Variants in LIMD1 observed in about 807,000 individuals in gnomAD.
The protein encoded by LIMD1 is LIM domain-containing protein 1.
In LIMD1, 23 loss-of-function variants were observed where a neutral mutation model predicts 58.4. The observed-to-expected ratio is 0.39, with a 90% CI of 0.28 to 0.56. The LOEUF is 0.56. LIMD1 is among the 20% of genes least tolerant of loss of function. The probability of loss-of-function intolerance (pLI) is 0.57; values close to 1 mark genes in which losing one functional copy is unlikely to be tolerated. For missense variants in LIMD1, 838 were observed against 855.5 expected, an observed-to-expected ratio of 0.98 and a Z score of 0.25; for synonymous variants, 334 against 345.5, an observed-to-expected ratio of 0.97 and a Z score of 0.37.
At chr3:45,599,450 T>C (rs1168409842) in intron 1 of LIMD1, among the ~76,000 whole-genome samples, 1 of 152,188 alleles carries the variant, frequency 6.6e-6, no homozygotes, top group Admixed American at 6.5e-5. Context: ...TTGTATAAAC[T>C]TCACAGATAA....
intron 6 of LIMD1, chr3:45,673,759 G>C (rs771578779): frequency 1.9e-6 from 1 of 514,984 alleles, no homozygotes; most frequent in East Asian, 3.4e-5. Context: ...ACAAAAAATT[G>C]TTAAAAATTG....
chr3:45,668,323 G>A lies in LIMD1; in HGVS notation c.1608G>A (p.Arg536=), dbSNP rs776606791. ...LYSGFQQSAD[R]CFLCGHLIMD... ...CTGGTTTCCAGCAGTCGGCTGACAG[G>A]TGTTTTCTTTGTGGACATCTGATCA... Residue 536 remains arginine (R), a synonymous_variant, in exon 4 of 8, where the codon AGG becomes AGA. Transcript: ENST00000273317. 2.5e-6 allele frequency: 4 copies of A among 1,613,024 alleles called. No individual in the cohort carries two copies. The Admixed American group carries it at 6.7e-5, about 27-fold the overall frequency.
chr3:45,615,152 A>G (rs148328254), intron 1 of LIMD1, among the ~76,000 whole-genome samples: 19 of 152,352 alleles, frequency 1.2e-4, no homozygotes, highest in African/African-American at 4.3e-4. Context: ...GACCCAAAGC[A>G]GTGGCAAAAC....
intron 1 of LIMD1, chr3:45,635,947 G>A (rs1222962114): frequency 2.7e-5 from 27 of 985,300 alleles, no homozygotes; most frequent in Non-Finnish European, 3.3e-5. Flanking sequence ...GGGACCTAAA[G>A]TCCAGCCTGG....
chr3:45,671,183 G>GA (rs1697582000), intron 4 of LIMD1, among the ~76,000 whole-genome samples: 1 of 152,192 alleles, frequency 6.6e-6, no homozygotes, highest in Non-Finnish European at 1.5e-5. Context: ...AAAGGTTAGG[G>GA]AAACCCAAGA....
chr3:45,640,698 G>A (rs1214967198), intron 2 of LIMD1, among the ~76,000 whole-genome samples: 1 of 152,198 alleles, frequency 6.6e-6, no homozygotes, highest in African/African-American at 2.4e-5. Context: ...CCAAAGTGCT[G>A]AAATTACAAG....
intron 2 of LIMD1, among the ~76,000 whole-genome samples, chr3:45,646,821 G>C (rs994040359): frequency 2.0e-5 from 3 of 151,380 alleles, no homozygotes; most frequent in African/African-American, 7.3e-5. Flanking sequence ...TTAGTCCCCT[G>C]GCTAATTTTT....
intron 2 of LIMD1, among the ~76,000 whole-genome samples, chr3:45,642,323 G>A (rs1701850970): frequency 6.6e-6 from 1 of 152,020 alleles, no homozygotes; most frequent in Non-Finnish European, 1.5e-5. Context: ...TTACAGACAT[G>A]CACCACCATG....
chr3:45,633,594 C>T (rs561275699), intron 1 of LIMD1, among the ~76,000 whole-genome samples: 5 of 152,176 alleles, frequency 3.3e-5, no homozygotes, highest in South Asian at 4.2e-4. Flanking sequence ...ATGTGGGTAC[C>T]CTCTGTATAA....
chr3:45,660,174 TG>T (rs1406356569), intron 2 of LIMD1, among the ~76,000 whole-genome samples: 3 of 152,224 alleles, frequency 2.0e-5, no homozygotes, highest in East Asian at 1.9e-4. Context: ...GCCTAAGCTC[TG>T]GAAGTCCTGC....
intron 1 of LIMD1, among the ~76,000 whole-genome samples, chr3:45,630,190 TG>T (rs1701713577): frequency 6.6e-6 from 1 of 152,214 alleles, no homozygotes; most frequent in Non-Finnish European, 1.5e-5. Flanking sequence ...TTTAAAATCC[TG>T]TGGCATGGGG....
intron 1 of LIMD1, among the ~76,000 whole-genome samples, chr3:45,608,618 T>C (rs1376849695): frequency 6.6e-6 from 1 of 151,972 alleles, no homozygotes; most frequent in African/African-American, 2.4e-5. Context: ...GGCGGGCGGA[T>C]CACTTGAGGT....
In LIMD1 at chr3:45,649,604, G is replaced by A. The variant is rs1467040511; in HGVS notation, c.1510+13353G>A. ...GCTGAGGCAGCAGAATGGCGTGAAC[G>A]CAGGAGGCAGAGCTTGCAGTGAGCC... is the stretch of plus-strand genomic sequence containing the variant. On this transcript the variant is annotated intron_variant, in intron 2 of 7. Coordinates refer to ENST00000273317, the MANE Select transcript of LIMD1 (RefSeq NM_014240.3). Among the ~76,000 whole-genome samples the A allele has an allele frequency of 1.0e-4, 15 of 149,636 alleles. No homozygotes were observed. In the East Asian group the frequency reaches 2.4e-3, roughly 24 times the overall value.
At chr3:45,625,648 C>A (rs1439744247) in intron 1 of LIMD1, among the ~76,000 whole-genome samples, 1 of 152,034 alleles carries the variant, frequency 6.6e-6, no homozygotes, top group Non-Finnish European at 1.5e-5. Flanking sequence ...AGACTCTGCC[C>A]TTGTGAATGG....
rs1235336267 is a variant in LIMD1 at position 45,595,608 on chromosome 3, C to A, written c.729C>A (p.Ser243Arg). 1 of 1,613,778 alleles carries A rather than the reference C, an allele frequency of 6.2e-7. No homozygotes were observed. The highest frequency in any genetic ancestry group is 8.5e-7 in the Non-Finnish European group (1 of 1,179,904). ...SLSSSRSSEG[S>R]LGGQNSGIGG... The stretch of plus-strand genomic sequence containing the variant: ...GCTCCAGCAGGTCTTCTGAGGGTAG[C>A]CTCGGTGGTCAGAATAGTGGCATTG... The change falls in exon 1 of 8, where the codon AGC becomes AGA. Residue 243 changes from serine (S) to arginine (R), a missense_variant. Ser to Arg is a moderately radical substitution (Grantham distance 110, BLOSUM62 -1). This residue lies in a region of LIMD1 where 659 missense variants were observed against 639.8 expected (regional missense o/e 1.03). Coordinates refer to ENST00000273317, the MANE Select transcript of LIMD1 (RefSeq NM_014240.3).
At chr3:45,618,554 T>C (rs1399278502) in intron 1 of LIMD1, among the ~76,000 whole-genome samples, 1 of 152,094 alleles carries the variant, frequency 6.6e-6, no homozygotes, top group Non-Finnish European at 1.5e-5. Flanking sequence ...TTTTATCTTT[T>C]TATGAATTCA....
chr3:45,672,736 G>A lies in LIMD1; in HGVS notation c.1688G>A (p.Cys563Tyr), dbSNP rs1466712368. ...TCCTACCACCCCGGCTGTTTCCGCT[G>A]TGTCATCTGTAATGAGTGTTTGGAT... is the stretch of plus-strand genomic sequence containing the variant. Reference protein sequence around the residue: ...GKSYHPGCFRCVICNECLDGV... With the variant: ...GKSYHPGCFRYVICNECLDGV... Residue 563 changes from cysteine to tyrosine, a missense_variant, in exon 5 of 8, where the codon TGT (cysteine) becomes TAT (tyrosine). Cys to Tyr is a radical substitution (Grantham distance 194). This residue lies in a region of LIMD1 where 174 missense variants were observed against 197.4 expected (regional missense o/e 0.88). Transcript: ENST00000273317. The A allele has an allele frequency of 3.7e-6, 6 of 1,613,964 alleles. No individual in the cohort carries two copies. The highest frequency in any genetic ancestry group is 5.1e-6 in the Non-Finnish European group (6 of 1,179,978).
intron 3 of LIMD1, among the ~76,000 whole-genome samples, chr3:45,667,730 T>C (rs1697537994): frequency 6.6e-6 from 1 of 152,044 alleles, no homozygotes; most frequent in Admixed American, 6.6e-5. Flanking sequence ...TCCTTACCCT[T>C]TGTTGGCTGT....
At chr3:45,668,890 C>T (rs1364205656) in intron 4 of LIMD1, among the ~76,000 whole-genome samples, 1 of 152,182 alleles carries the variant, frequency 6.6e-6, no homozygotes, top group Non-Finnish European at 1.5e-5. Flanking sequence ...TTCTCCTCCT[C>T]TGGGCTGTTT....
Sources: allele counts gnomAD v4.1 joint callset (sites outside exome capture counted in the v4.1 genomes callset), GRCh38; gene constraint gnomAD v4.1.1; regional missense constraint gnomAD v4.1.1; transcripts MANE v1.5; gene names NCBI Gene and HGNC (gene_info 2026-07-23, HGNC 2026-07-21).